Variants in ABHD17C observed in about 807,000 individuals in gnomAD.
ABHD17C encodes the protein alpha/beta hydrolase domain-containing protein 17C.
Under a neutral mutation model 27.9 loss-of-function variants are expected in ABHD17C, and 11 were observed. The ratio of observed to expected loss-of-function variants is 0.39; its 90% CI spans 0.25 to 0.65. The LOEUF is 0.65. ABHD17C is among the 30% of genes least tolerant of loss of function. ABHD17C has a pLI of 0.45. For synonymous variants in ABHD17C, 233 were observed against 209.1 expected (o/e 1.11, Z -0.98); for missense variants, 280 against 470.2 (o/e 0.60, Z 3.74).
At chr15:80,713,900 CCA>C (rs58311304) in intron 1 of ABHD17C, among the ~76,000 whole-genome samples, 1,552 of 141,086 alleles carry the variant, frequency 0.011, 10 homozygotes, top group East Asian at 0.03. Flanking sequence ...CATATACAGA[CCA>C]CACACACACA....
At chr15:80,728,420 C>CTT (rs1895012701) in intron 1 of ABHD17C, among the ~76,000 whole-genome samples, 1 of 152,184 alleles carries the variant, frequency 6.6e-6, no homozygotes, top group African/African-American at 2.4e-5. Flanking sequence ...ATCAAGCATG[C>CTT]TTTATCACCT....
chr15:80,724,736 T>C (rs991054833), intron 1 of ABHD17C, among the ~76,000 whole-genome samples: 3 of 152,162 alleles, frequency 2.0e-5, no homozygotes, highest in Admixed American at 2.0e-4. Flanking sequence ...AAAAGTAACC[T>C]GCAGTGCTGT....
chr15:80,706,154 C>G (rs1894645747), intron 1 of ABHD17C, among the ~76,000 whole-genome samples: 2 of 152,232 alleles, frequency 1.3e-5, no homozygotes, highest in Admixed American at 6.5e-5. Context: ...AGCAAGCTTC[C>G]TTTTAAAATA....
intron 1 of ABHD17C, among the ~76,000 whole-genome samples, chr15:80,717,959 A>AT (rs1331611066): frequency 6.6e-6 from 1 of 152,218 alleles, no homozygotes; most frequent in Non-Finnish European, 1.5e-5. Flanking sequence ...CCCCATCATC[A>AT]TGGAATACAG....
intron 2 of ABHD17C, among the ~76,000 whole-genome samples, chr15:80,753,300 T>G (rs938832267): frequency 6.6e-5 from 10 of 152,164 alleles, no homozygotes; most frequent in Admixed American, 4.6e-4. Flanking sequence ...ATAAAATACT[T>G]CAACAAACAC....
chr15:80,708,019 G>A (rs1045405700), intron 1 of ABHD17C, among the ~76,000 whole-genome samples: 2 of 152,140 alleles, frequency 1.3e-5, no homozygotes, highest in Non-Finnish European at 2.9e-5. Context: ...CTGCGGCCAC[G>A]GGACAGTCCT....
chr15:80,710,292 G>T (rs1271050944), intron 1 of ABHD17C, among the ~76,000 whole-genome samples: 2 of 152,204 alleles, frequency 1.3e-5, no homozygotes, highest in Non-Finnish European at 2.9e-5. Context: ...AGTAGGAGAT[G>T]AGGACTGGGA....
At chr15:80,745,897 A>G (rs543499768) in intron 1 of ABHD17C, among the ~76,000 whole-genome samples, 1 of 152,232 alleles carries the variant, frequency 6.6e-6, no homozygotes, top group South Asian at 2.1e-4. Context: ...GTAGACATGC[A>G]CTCAGTCTAG....
chr15:80,716,255 G>A (rs530915975), intron 1 of ABHD17C, among the ~76,000 whole-genome samples: 118 of 152,280 alleles, frequency 7.7e-4, no homozygotes, highest in African/African-American at 2.8e-3. Context: ...GAGAAAGGAT[G>A]TTGATTATAA....
At position 80,744,586 on chromosome 15, in the gene ABHD17C, C is replaced by T. The variant is rs116962117; in HGVS notation, c.591-4927C>T. Among the ~76,000 whole-genome samples, 699 of 152,328 alleles carry T rather than the reference C, an allele frequency of 4.6e-3. 3 individuals carry two copies. Among genetic ancestry groups the T allele is most frequent in the Non-Finnish European group, 6.4e-3 (434 of 68,032 alleles). On this transcript the variant is annotated intron_variant, in intron 1 of 2. Transcript: ENST00000258884. ...ACAAATCTGAGCGTTTGACTTAGCA[C>T]GCTCTTGTTTTCTGAGCCCTTTGAA... is the stretch of plus-strand genomic sequence containing the variant.
chr15:80,730,074 C>T (rs1895037668), intron 1 of ABHD17C, among the ~76,000 whole-genome samples: 1 of 151,866 alleles, frequency 6.6e-6, no homozygotes, highest in Admixed American at 6.6e-5. Context: ...GCGCCACTGC[C>T]CTCCAGCCTG....
At chr15:80,728,289 C>T (rs1895010675) in intron 1 of ABHD17C, among the ~76,000 whole-genome samples, 1 of 152,222 alleles carries the variant, frequency 6.6e-6, no homozygotes, top group Non-Finnish European at 1.5e-5. Context: ...TACCTACAAA[C>T]TCACCAGAAT....
At chr15:80,751,986 A>G (rs1259396450) in intron 2 of ABHD17C, among the ~76,000 whole-genome samples, 2 of 152,236 alleles carry the variant, frequency 1.3e-5, no homozygotes, top group African/African-American at 4.8e-5. Flanking sequence ...TCCTTTTAAT[A>G]TTAAAACAAA....
At chr15:80,747,195 T>G (rs1895299864) in intron 1 of ABHD17C, among the ~76,000 whole-genome samples, 1 of 152,166 alleles carries the variant, frequency 6.6e-6, no homozygotes, top group Non-Finnish European at 1.5e-5. Context: ...ATGTGGAAAT[T>G]GGAGGCTCTC....
At chr15:80,743,146 G>C (rs916350130) in intron 1 of ABHD17C, among the ~76,000 whole-genome samples, 1 of 152,102 alleles carries the variant, frequency 6.6e-6, no homozygotes, top group Non-Finnish European at 1.5e-5. Flanking sequence ...TTTTACAGGG[G>C]CGGGGAGGAG....
chr15:80,743,452 G>A (rs767310241), intron 1 of ABHD17C, among the ~76,000 whole-genome samples: 28 of 152,212 alleles, frequency 1.8e-4, no homozygotes, highest in Non-Finnish European at 2.9e-4. Flanking sequence ...TCCTCCCTGC[G>A]TCTTTCCCAC....
chr15:80,722,159 G>A (rs1030500500), intron 1 of ABHD17C, among the ~76,000 whole-genome samples: 2 of 151,420 alleles, frequency 1.3e-5, no homozygotes, highest in Admixed American at 6.6e-5. Flanking sequence ...ACCGAGAAGC[G>A]CACTGGAATT....
In ABHD17C at chr15:80,699,125, G is replaced by C. The variant is rs147258096; in HGVS notation, c.590+3106G>C. Reference sequence around the variant, plus strand: ...GACCCTTTGTGTTCCCTGTGCACCTGGTACTCAGCCCCTTTGCTTGAGTTA... The same window carrying C: ...GACCCTTTGTGTTCCCTGTGCACCTCGTACTCAGCCCCTTTGCTTGAGTTA... On this transcript the variant is annotated intron_variant, in intron 1 of 2. Transcript: ENST00000258884. Among the ~76,000 whole-genome samples, 3 of 152,218 alleles carry C rather than the reference G, an allele frequency of 2.0e-5. No homozygotes were observed. In the East Asian group the frequency reaches 5.8e-4, roughly 29 times the overall value.
Position 80,702,405 on chromosome 15 carries a change from C to T in ABHD17C, c.590+6386C>T, listed in dbSNP as rs547326687. On this transcript the variant is annotated intron_variant, in intron 1 of 2. Transcript: ENST00000258884. ...TGAGCCCAGGAGTTTGAGACCAGCC[C>T]GGGCAACATAACAAGAACCTGTCTC... 3.3e-5 allele frequency among the ~76,000 whole-genome samples: 5 copies of T among 152,094 alleles called. No homozygotes were observed. The South Asian group carries it at 6.2e-4, about 19-fold the overall frequency.
Sources: gnomAD v4.1 joint callset for allele counts (sites outside exome capture counted in the v4.1 genomes callset) on GRCh38, gnomAD v4.1.1 for gene constraint, MANE v1.5 for transcripts, NCBI Gene and HGNC (gene_info 2026-07-23, HGNC 2026-07-21) for gene names.